PCDHGA7: variants seen among roughly 807,000 people sequenced by gnomAD.
The protein encoded by PCDHGA7 is protocadherin gamma-A7.
PCDHGA7 carries 44 observed loss-of-function variants against 58.3 expected under a neutral mutation model. The observed-to-expected ratio is 0.75, with a 90% CI of 0.59 to 0.97. The LOEUF (loss-of-function observed/expected upper bound fraction) is 0.97, where lower values mean the gene tolerates loss of function less well. Ranked by LOEUF, PCDHGA7 falls within the 50% of genes least tolerant of loss-of-function variation. The probability of loss-of-function intolerance (pLI) is 0.00; values close to 1 mark genes in which losing one functional copy is unlikely to be tolerated. For synonymous variants in PCDHGA7, 516 were observed against 504.2 expected (o/e 1.02, Z -0.31); for missense variants, 1,266 against 1,188.7 (o/e 1.06, Z -0.96).
chr5:141,449,588 CAAAAAAAAAAA>C (rs768743917), intron 1 of PCDHGA7, among the ~76,000 whole-genome samples: 1 of 57,492 alleles, frequency 1.7e-5, no homozygotes, highest in Non-Finnish European at 3.7e-5. Flanking sequence ...GACTCTGTCT[CAAAAAAAAAAA>C]AAAAAAAAGT....
intron 1 of PCDHGA7, among the ~76,000 whole-genome samples, chr5:141,401,895 T>C (rs184400858): frequency 3.8e-4 from 58 of 152,342 alleles, no homozygotes; most frequent in African/African-American, 1.1e-3. Context: ...GTGTTCTTTT[T>C]CCCAAATTAT....
At chr5:141,403,868 A>T (rs2094463706) in intron 1 of PCDHGA7, 2 of 1,613,752 alleles carry the variant, frequency 1.2e-6, no homozygotes, top group Non-Finnish European at 1.7e-6. Context: ...AACAGCAAAA[A>T]GTCTAGATTA....
chr5:141,399,738 G>C (rs1484510317), intron 1 of PCDHGA7: 2 of 1,613,268 alleles, frequency 1.2e-6, no homozygotes, highest in African/African-American at 1.3e-5. Flanking sequence ...GCTCGCCTGC[G>C]CTCAGCGCAA....
chr5:141,504,224 C>T (rs2099836716), intron 2 of PCDHGA7, among the ~76,000 whole-genome samples: 2 of 152,160 alleles, frequency 1.3e-5, no homozygotes, highest in African/African-American at 4.8e-5. Flanking sequence ...TAGAGCTGAA[C>T]CTTCTAAGAA....
In PCDHGA7 at chr5:141,489,950, A is replaced by G; in HGVS notation, c.2425-4857A>G. 2 of 1,614,192 alleles carry G rather than the reference A, an allele frequency of 1.2e-6. No individual in the cohort carries two copies. The highest frequency in any genetic ancestry group is 1.1e-5 in the South Asian group (1 of 91,088). ...TCTGTCATCGTGCTGGACATCAATG[A>G]TAATGCTCCAACCTTCCAATCCTCA... On this transcript the variant is annotated intron_variant, in intron 1 of 3. Transcript: ENST00000518325. The surrounding 1 kb of genome is among the most constrained non-coding windows in gnomAD (Gnocchi z 4.5).
At chr5:141,414,949 G>C (rs774769957) in intron 1 of PCDHGA7, 13 of 1,613,978 alleles carry the variant, frequency 8.1e-6, no homozygotes, top group African/African-American at 1.3e-5. Context: ...CGGCTACCTG[G>C]TGACCAAGGT....
chr5:141,482,601 A>T (rs1158399317), intron 1 of PCDHGA7, among the ~76,000 whole-genome samples: 1 of 152,002 alleles, frequency 6.6e-6, no homozygotes, highest in Non-Finnish European at 1.5e-5. Flanking sequence ...ACGGGAAAAA[A>T]CACCTAAATG....
At chr5:141,454,047 T>C (rs896373946) in intron 1 of PCDHGA7, among the ~76,000 whole-genome samples, 6 of 152,122 alleles carry the variant, frequency 3.9e-5, no homozygotes, top group African/African-American at 7.2e-5. Flanking sequence ...AAGATAAAAG[T>C]GCAGCAAAGA....
At chr5:141,387,473 G>C (rs1032850562) in intron 1 of PCDHGA7, among the ~76,000 whole-genome samples, 2 of 152,190 alleles carry the variant, frequency 1.3e-5, no homozygotes. Context: ...CCTCAAAGTT[G>C]GGATGAAGGC....
intron 1 of PCDHGA7, chr5:141,408,952 T>C (rs531696982): frequency 6.2e-7 from 1 of 1,613,544 alleles, no homozygotes; most frequent in African/African-American, 1.3e-5. Context: ...ATAGAATTAG[T>C]CTTAGTGAAA....
At chr5:141,434,392 C>T (rs906051301) in intron 1 of PCDHGA7, among the ~76,000 whole-genome samples, 4 of 152,210 alleles carry the variant, frequency 2.6e-5, no homozygotes, top group African/African-American at 9.6e-5. Context: ...TGGCCATAAA[C>T]AAAATCTCTG....
rs563057370 is a variant in PCDHGA7 at position 141,491,297 on chromosome 5, A to G, written c.2425-3510A>G. 1.2e-6 allele frequency: 2 copies of G among 1,614,106 alleles called. No homozygotes were observed. Among genetic ancestry groups the G allele is most frequent in the African/African-American group, 2.7e-5 (2 of 75,038 alleles). On this transcript the variant is annotated intron_variant, in intron 1 of 3. Transcript: ENST00000518325. This position sits in a 1 kb window ranked among gnomAD's most constrained non-coding sequence, Gnocchi z 6.9. The stretch of plus-strand genomic sequence containing the variant: ...AGTGACTTCCTCATACACCCTCCTG[A>G]GCGTTCAGACCTTACCCTTTACCTC...
rs776258973 is a variant in PCDHGA7, at chr5:141,489,877, A to G, written c.2425-4930A>G. 1.2e-6 allele frequency: 2 copies of G among 1,614,230 alleles called. No individual in the cohort carries two copies. The highest frequency in any genetic ancestry group is 2.2e-5 in the South Asian group (2 of 91,090). Reference sequence around the variant, plus strand: ...CCAGGCAAGACATCAGCTGGTGCTTACTGCTGTGGATGGGGGGACCCCAGC... The same window carrying G: ...CCAGGCAAGACATCAGCTGGTGCTTGCTGCTGTGGATGGGGGGACCCCAGC... On this transcript the variant is annotated intron_variant, in intron 1 of 3. Coordinates refer to ENST00000518325, the MANE Select transcript of PCDHGA7 (RefSeq NM_018920.4). This position sits in a 1 kb window ranked among gnomAD's most constrained non-coding sequence, Gnocchi z 4.5.
chr5:141,455,928 C>T (rs1160778812), intron 1 of PCDHGA7, among the ~76,000 whole-genome samples: 3 of 151,158 alleles, frequency 2.0e-5, no homozygotes, highest in African/African-American at 4.9e-5. Context: ...GACGGAGTCT[C>T]GCTCTGTCGC....
intron 1 of PCDHGA7, chr5:141,421,800 G>A: frequency 6.2e-7 from 1 of 1,613,846 alleles, no homozygotes; most frequent in Non-Finnish European, 8.5e-7. Context: ...ATGGGGCCAA[G>A]AATCCAGAGC....
chr5:141,399,744 C>G (rs544697703), intron 1 of PCDHGA7: 1 of 1,613,320 alleles, frequency 6.2e-7, no homozygotes, highest in African/African-American at 1.3e-5. Context: ...CTGCGCTCAG[C>G]GCAAACGTGA....
At chr5:141,404,403 A>G (rs767148207) in intron 1 of PCDHGA7, 2 of 1,613,896 alleles carry the variant, frequency 1.2e-6, no homozygotes, top group East Asian at 4.5e-5. Flanking sequence ...AGCAATGAGA[A>G]TTCTAGAGTT....
Position 141,432,979 on chromosome 5 carries a change from TGTGGGC to T in PCDHGA7, c.2424+47661_2424+47666del. 1 of 1,614,228 alleles carries T rather than the reference TGTGGGC, an allele frequency of 6.2e-7. No individual in the cohort carries two copies. On this transcript the variant is annotated intron_variant, in intron 1 of 3. Coordinates refer to ENST00000518325, the MANE Select transcript of PCDHGA7 (RefSeq NM_018920.4). The surrounding 1 kb of genome is among the most constrained non-coding windows in gnomAD (Gnocchi z 6.0). ...TGACAGGAGCGCCGGCGTCGCACTTTGTGGGCGTGGACGGGGTGCAGGCTTTCCTGC... is the reference window on the plus strand; with the variant it reads ...TGACAGGAGCGCCGGCGTCGCACTTTGTGGACGGGGTGCAGGCTTTCCTGC...
At chr5:141,430,661 G>A in intron 1 of PCDHGA7, 1 of 1,159,744 alleles carries the variant, frequency 8.6e-7, no homozygotes, top group South Asian at 2.1e-5. Context: ...CAACGGAGGA[G>A]CTCTGACTTC....
Sources: gnomAD v4.1 joint callset for allele counts (sites outside exome capture counted in the v4.1 genomes callset) on GRCh38, gnomAD v4.1.1 for gene constraint, Gnocchi (gnomAD v3.1) non-coding constraint, MANE v1.5 for transcripts, NCBI Gene and HGNC (gene_info 2026-07-23, HGNC 2026-07-21) for gene names.